PCDHGA2: variants seen among roughly 807,000 people sequenced by gnomAD.
The protein encoded by PCDHGA2 is protocadherin gamma subfamily A, 2.
A neutral mutation model predicts 59.2 loss-of-function variants in PCDHGA2; 40 were observed. That is an observed-to-expected ratio of 0.68 (90% confidence interval 0.52 to 0.88). PCDHGA2 has a LOEUF of 0.88. Ranked by LOEUF, PCDHGA2 falls within the 40% of genes least tolerant of loss-of-function variation. PCDHGA2 has a pLI of 0.00. For missense variants in PCDHGA2, 1,226 were observed against 1,204.0 expected, an observed-to-expected ratio of 1.02 and a Z score of -0.27; for synonymous variants, 560 against 526.0, an observed-to-expected ratio of 1.06 and a Z score of -0.89.
intron 1 of PCDHGA2, chr5:141,414,982 G>A (rs1415279007): frequency 3.7e-6 from 6 of 1,613,712 alleles, no homozygotes; most frequent in Admixed American, 1.7e-5. Flanking sequence ...CAGAGACTCC[G>A]GCCAGAACGC....
intron 1 of PCDHGA2, chr5:141,408,444 G>A (rs2095109468): frequency 6.2e-6 from 10 of 1,613,960 alleles, no homozygotes; most frequent in Non-Finnish European, 7.6e-6. Context: ...GACGCGGAGA[G>A]CGGGGACTTA....
intron 1 of PCDHGA2, chr5:141,417,266 T>C (rs2096102700): frequency 6.6e-6 from 1 of 152,184 alleles, no homozygotes; most frequent in Non-Finnish European, 1.5e-5. Context: ...CATAGATAAT[T>C]ACTCTTAAAA....
chr5:141,362,737 C>T, intron 1 of PCDHGA2: 1 of 746,916 alleles, frequency 1.3e-6, no homozygotes. Context: ...GATTTATTTA[C>T]CCATGATTGC....
chr5:141,503,528 G>A (rs1411240550), intron 2 of PCDHGA2, among the ~76,000 whole-genome samples: 2 of 151,470 alleles, frequency 1.3e-5, no homozygotes, highest in Non-Finnish European at 2.9e-5. Flanking sequence ...GAACCTGGGA[G>A]GCAGAGGTTG....
At chr5:141,433,361 A>G (rs1208326325) in intron 1 of PCDHGA2, 15 of 297,508 alleles carry the variant, frequency 5.0e-5, no homozygotes, top group Non-Finnish European at 7.0e-5. Context: ...CTGTCTGCCT[A>G]TCTATCTATC....
chr5:141,455,936 C>T (rs1194722770), intron 1 of PCDHGA2, among the ~76,000 whole-genome samples: 3 of 151,422 alleles, frequency 2.0e-5, no homozygotes, highest in East Asian at 3.9e-4. Flanking sequence ...CTCGCTCTGT[C>T]GCCCAGGCTG....
chr5:141,390,474 C>A, intron 1 of PCDHGA2: 1 of 688,724 alleles, frequency 1.5e-6, no homozygotes, highest in Non-Finnish European at 2.4e-6. Flanking sequence ...TTGTGTGGCC[C>A]AACATTTGTT....
At chr5:141,369,308 G>A (rs1356330525) in intron 1 of PCDHGA2, among the ~76,000 whole-genome samples, 2 of 152,074 alleles carry the variant, frequency 1.3e-5, no homozygotes, top group African/African-American at 4.8e-5. Flanking sequence ...TCATTGTTAG[G>A]CTACTTGAGA....
At chr5:141,446,039 A>G (rs1349676116) in intron 1 of PCDHGA2, among the ~76,000 whole-genome samples, 1 of 152,180 alleles carries the variant, frequency 6.6e-6, no homozygotes, top group African/African-American at 2.4e-5. Context: ...TAAGAAATGG[A>G]AGAAGAGCTG....
intron 1 of PCDHGA2, among the ~76,000 whole-genome samples, chr5:141,401,572 C>T (rs1013014550): frequency 3.3e-5 from 5 of 152,268 alleles, no homozygotes; most frequent in Middle Eastern, 3.4e-3. Flanking sequence ...TTCTCTTGCT[C>T]GGAATCCTGA....
chr5:141,496,287 C>T (rs768553690), intron 2 of PCDHGA2, among the ~76,000 whole-genome samples: 3 of 152,200 alleles, frequency 2.0e-5, no homozygotes, highest in Non-Finnish European at 4.4e-5. Flanking sequence ...TTGGTCTGAG[C>T]AGAGTGGGAT....
chr5:141,362,619 G>A, intron 1 of PCDHGA2: 1 of 1,526,806 alleles, frequency 6.5e-7, no homozygotes, highest in Non-Finnish European at 8.8e-7. Flanking sequence ...TGGGTAGGAA[G>A]TTCCACTGCG....
At chr5:141,472,745 G>A (rs931198460) in intron 1 of PCDHGA2, among the ~76,000 whole-genome samples, 4 of 152,038 alleles carry the variant, frequency 2.6e-5, no homozygotes, top group African/African-American at 9.7e-5. Flanking sequence ...CAGCACTTTG[G>A]GAGGCGGAGG....
At chr5:141,343,879 G>A (rs943509618) in intron 1 of PCDHGA2, 2 of 624,420 alleles carry the variant, frequency 3.2e-6, no homozygotes, top group African/African-American at 3.7e-5. Flanking sequence ...AGACTCAGAA[G>A]ATCCGGGGCG....
chr5:141,436,099 T>C (rs1400528271), intron 1 of PCDHGA2, among the ~76,000 whole-genome samples: 1 of 152,128 alleles, frequency 6.6e-6, no homozygotes, highest in Non-Finnish European at 1.5e-5. Flanking sequence ...TTGAGAGAAA[T>C]AGAGGACAAT....
intron 1 of PCDHGA2, chr5:141,362,616 G>A (rs964810850): frequency 2.6e-6 from 4 of 1,543,942 alleles, no homozygotes; most frequent in Non-Finnish European, 3.5e-6. Flanking sequence ...ATTTGGGTAG[G>A]AAGTTCCACT....
intron 3 of PCDHGA2, 137 bp from the exon 4 acceptor site, chr5:141,510,810 A>T: frequency 6.6e-7 from 1 of 1,519,768 alleles, no homozygotes; most frequent in African/African-American, 1.4e-5. Context: ...TACCTTGGTG[A>T]CCCCTATATT....
At chr5:141,389,313 C>A (rs1279349887) in intron 1 of PCDHGA2, 2 of 1,614,024 alleles carry the variant, frequency 1.2e-6, no homozygotes, top group Admixed American at 3.3e-5. Context: ...GGCTTCTGAT[C>A]CGGACTTGGG....
At chr5:141,383,471 A>G in intron 1 of PCDHGA2, 1 of 1,613,632 alleles carries the variant, frequency 6.2e-7, no homozygotes, top group South Asian at 1.1e-5. Flanking sequence ...GAAACTAAGT[A>G]CCCGGAACTG....
Sources: allele counts gnomAD v4.1 joint callset (sites outside exome capture counted in the v4.1 genomes callset), GRCh38; gene constraint gnomAD v4.1.1; transcripts MANE v1.5; gene names NCBI Gene and HGNC (gene_info 2026-07-23, HGNC 2026-07-21).